SLC13A3: variants seen among roughly 807,000 people sequenced by gnomAD.
The protein encoded by SLC13A3 is Na(+)/dicarboxylate cotransporter 3.
SLC13A3 carries 40 observed loss-of-function variants against 59.0 expected under a neutral mutation model. That is an observed-to-expected ratio of 0.68 (90% CI 0.53 to 0.88). The LOEUF (loss-of-function observed/expected upper bound fraction) is 0.88, where lower values mean the gene tolerates loss of function less well. SLC13A3 is among the 40% of genes least tolerant of loss of function. The pLI is 0.00. For missense variants in SLC13A3, 699 were observed against 783.2 expected (o/e 0.89, Z 1.28); for synonymous variants, 317 against 330.3 (o/e 0.96, Z 0.44).
intron 6 of SLC13A3, 152 bp downstream of exon 6, chr20:46,592,252 T>TAC: frequency 1.2e-6 from 1 of 846,628 alleles, no homozygotes; most frequent in African/African-American, 1.9e-5. Context: ...TACATACATA[T>TAC]ATACATACCT....
chr20:46,675,962 G>A (rs952164324), intron 1 of SLC13A3: 1 of 152,196 alleles, frequency 6.6e-6, no homozygotes, highest in South Asian at 2.1e-4. Flanking sequence ...CCAGGCTGGA[G>A]TGCAGTGGCG....
intron 1 of SLC13A3, among the ~76,000 whole-genome samples, chr20:46,661,825 G>C (rs927719904): frequency 6.6e-6 from 1 of 152,116 alleles, no homozygotes; most frequent in Non-Finnish European, 1.5e-5. Context: ...TTTTCTGTCT[G>C]TTCTCCTGAC....
chr20:46,610,670 C>T, intron 2 of SLC13A3, 61 bp from the exon 3 acceptor site: 7 of 1,431,510 alleles, frequency 4.9e-6, no homozygotes, highest in Non-Finnish European at 6.6e-6. Flanking sequence ...ATCCTCTGGT[C>T]CCAGTTTGCC....
intron 10 of SLC13A3, among the ~76,000 whole-genome samples, chr20:46,574,238 C>T (rs2062053228): frequency 6.6e-6 from 1 of 152,098 alleles, no homozygotes. Flanking sequence ...AATTTGGAGC[C>T]CGGACTCTGA....
chr20:46,660,233 G>C (rs532548906), intron 1 of SLC13A3, among the ~76,000 whole-genome samples: 2 of 152,074 alleles, frequency 1.3e-5, no homozygotes, highest in Admixed American at 1.3e-4. Flanking sequence ...TCTCTTTCAG[G>C]TGCTAGCATT....
chr20:46,610,341 T>C, intron 3 of SLC13A3, 105 bp downstream of exon 3: 1 of 1,053,284 alleles, frequency 9.5e-7, no homozygotes, highest in Non-Finnish European at 1.4e-6. Flanking sequence ...TAGTAGGTGC[T>C]CAATAAGTGT....
At chr20:46,667,304 G>A (rs1356267673) in intron 1 of SLC13A3, among the ~76,000 whole-genome samples, 1 of 152,174 alleles carries the variant, frequency 6.6e-6, no homozygotes, top group Non-Finnish European at 1.5e-5. Context: ...TAGAGAATTG[G>A]ATTCATTGAC....
chr20:46,641,253 G>T (rs1207236055), intron 1 of SLC13A3, among the ~76,000 whole-genome samples: 1 of 152,172 alleles, frequency 6.6e-6, no homozygotes. Context: ...ATCAGAACTT[G>T]TGTTCAAATC....
intron 1 of SLC13A3, among the ~76,000 whole-genome samples, chr20:46,632,933 ATC>A (rs1465435298): frequency 3.4e-4 from 4 of 11,820 alleles, no homozygotes; most frequent in Admixed American, 1.3e-3. Flanking sequence ...CTATCTATCT[ATC>A]TATCTATCTA....
chr20:46,582,669 G>A, intron 9 of SLC13A3: 1 of 984,934 alleles, frequency 1.0e-6, no homozygotes, highest in Non-Finnish European at 1.2e-6. Context: ...CTTCCTACAG[G>A]ACACATACAC....
intron 3 of SLC13A3, among the ~76,000 whole-genome samples, chr20:46,607,611 T>C (rs916236603): frequency 9.9e-5 from 15 of 152,232 alleles, no homozygotes; most frequent in Non-Finnish European, 1.2e-4. Context: ...CTTCAATGCA[T>C]GGCCACCACT....
chr20:46,640,487 G>A (rs2062837036), intron 1 of SLC13A3, among the ~76,000 whole-genome samples: 1 of 152,170 alleles, frequency 6.6e-6, no homozygotes, highest in African/African-American at 2.4e-5. Flanking sequence ...CCCTCTTCGT[G>A]TGAATTTCAA....
In SLC13A3 at chr20:46,558,264, G is replaced by C. The variant is rs1413972575; in HGVS notation, c.*1758C>G. 1 of 152,194 alleles carries C rather than the reference G, an allele frequency of 6.6e-6. No individual in the cohort carries two copies. The highest frequency in any genetic ancestry group is 1.5e-5 in the Non-Finnish European group (1 of 68,046). 9.4% of individuals were successfully genotyped at this position (152,194 alleles called of 1,614,324 possible). ...TGGGAGAGAGTGTTCTAGGCAGAGGGAACAGCACATGCGAAGGCCCTGAGG... is the reference window on the plus strand; with the variant it reads ...TGGGAGAGAGTGTTCTAGGCAGAGGCAACAGCACATGCGAAGGCCCTGAGG... On this transcript the variant is annotated 3_prime_UTR_variant, in exon 13 of 13. Coordinates refer to ENST00000279027, the MANE Select transcript of SLC13A3 (RefSeq NM_022829.6).
chr20:46,598,845 C>T (rs1350735227), intron 4 of SLC13A3, among the ~76,000 whole-genome samples: 1 of 152,054 alleles, frequency 6.6e-6, no homozygotes, highest in Non-Finnish European at 1.5e-5. Flanking sequence ...CATGTGCTCA[C>T]TCATTCACTC....
intron 5 of SLC13A3, among the ~76,000 whole-genome samples, chr20:46,594,545 G>A (rs1272154755): frequency 5.3e-5 from 8 of 152,024 alleles, no homozygotes; most frequent in Admixed American, 5.2e-4. Flanking sequence ...TTGGCAGAAC[G>A]CTAAAGGGCT....
intron 3 of SLC13A3, among the ~76,000 whole-genome samples, chr20:46,607,357 A>G (rs2098945906): frequency 1.3e-5 from 2 of 152,102 alleles, no homozygotes; most frequent in African/African-American, 4.8e-5. Flanking sequence ...CTCCTAGCCC[A>G]CTGGCAGAAT....
intron 1 of SLC13A3, among the ~76,000 whole-genome samples, chr20:46,635,944 C>T (rs1157307331): frequency 6.6e-6 from 1 of 152,186 alleles, no homozygotes; most frequent in Non-Finnish European, 1.5e-5. Context: ...CTTATCAATG[C>T]CGTGGCAGCA....
At chr20:46,671,138 A>G (rs554174107), upstream of SLC13A3, among the ~76,000 whole-genome samples, 2 of 152,286 alleles carry the variant, frequency 1.3e-5, no homozygotes, top group South Asian at 4.1e-4. Flanking sequence ...CTATGAGCCC[A>G]TTTGATAATT....
At chr20:46,663,537 A>T (rs1341391884) in intron 1 of SLC13A3, among the ~76,000 whole-genome samples, 2 of 152,152 alleles carry the variant, frequency 1.3e-5, no homozygotes, top group African/African-American at 4.8e-5. Context: ...GATCTATGTC[A>T]AATGCAAGGA....
Sources: gnomAD v4.1 joint callset for allele counts (sites outside exome capture counted in the v4.1 genomes callset) on GRCh38, gnomAD v4.1.1 for gene constraint, MANE v1.5 for transcripts, NCBI Gene and HGNC (gene_info 2026-07-23, HGNC 2026-07-21) for gene names.